The following CLYBL variants were observed in gnomAD, a reference collection of about 807,000 sequenced individuals.
CLYBL encodes citramalyl-CoA lyase.
In CLYBL, 31 loss-of-function variants were observed where a neutral mutation model predicts 38.9. That is an observed-to-expected ratio of 0.80 (90% CI 0.60 to 1.08). The LOEUF is 1.08. Ranked by LOEUF, CLYBL falls within the 50% of genes least tolerant of loss-of-function variation. The probability of loss-of-function intolerance (pLI) is 0.00; values close to 1 mark genes in which losing one functional copy is unlikely to be tolerated. For missense variants in CLYBL, 434 were observed against 411.6 expected (o/e 1.05, Z -0.47); for synonymous variants, 171 against 158.6 (o/e 1.08, Z -0.59).
At chr13:99,874,792 G>A (rs1019597500) in intron 7 of CLYBL, among the ~76,000 whole-genome samples, 32 of 152,108 alleles carry the variant, frequency 2.1e-4, no homozygotes, top group African/African-American at 6.5e-4. Flanking sequence ...GACAGCTAAA[G>A]GAAACAGTCA....
intron 1 of CLYBL, among the ~76,000 whole-genome samples, chr13:99,679,735 T>TA (rs1555351636): frequency 8.1e-5 from 12 of 147,398 alleles, no homozygotes; most frequent in African/African-American, 2.8e-4. Flanking sequence ...AAGGAGAGGG[T>TA]GGGGGGGGAA....
chr13:99,696,808 C>CA (rs200890191), intron 1 of CLYBL, among the ~76,000 whole-genome samples: 24 of 148,722 alleles, frequency 1.6e-4, no homozygotes, highest in Admixed American at 4.0e-4. Flanking sequence ...AAAACAACCA[C>CA]AAAAAAAACC....
At chr13:99,645,278 C>T (rs1246130411) in intron 1 of CLYBL, among the ~76,000 whole-genome samples, 4 of 152,086 alleles carry the variant, frequency 2.6e-5, no homozygotes, top group South Asian at 4.1e-4. Flanking sequence ...GGGTGGATCA[C>T]GAGGTCAGGA....
chr13:99,844,984 A>G (rs1344497783), intron 2 of CLYBL, among the ~76,000 whole-genome samples: 2 of 152,134 alleles, frequency 1.3e-5, no homozygotes, highest in East Asian at 1.9e-4. Flanking sequence ...CCTACCTACC[A>G]TCAGAGGAAA....
At chr13:99,836,267 A>G (rs539727725) in intron 2 of CLYBL, among the ~76,000 whole-genome samples, 130 of 152,182 alleles carry the variant, frequency 8.5e-4, no homozygotes, top group African/African-American at 2.8e-3. Context: ...GATCTAGAAG[A>G]TGTCTCCCTC....
At chr13:99,719,132 A>C (rs2048359011) in intron 1 of CLYBL, among the ~76,000 whole-genome samples, 3 of 147,814 alleles carry the variant, frequency 2.0e-5, no homozygotes, top group Non-Finnish European at 4.5e-5. Context: ...GATTACAGGC[A>C]TGAACCACCA....
chr13:99,609,038 ATC>A (rs1369806945), intron 1 of CLYBL, among the ~76,000 whole-genome samples: 1 of 150,454 alleles, frequency 6.6e-6, no homozygotes, highest in African/African-American at 2.4e-5. Flanking sequence ...CTACTCTCTT[ATC>A]TCTCTCTTCT....
intron 1 of CLYBL, among the ~76,000 whole-genome samples, chr13:99,618,728 G>C (rs1209412296): frequency 6.6e-6 from 1 of 151,922 alleles, no homozygotes; most frequent in African/African-American, 2.4e-5. Flanking sequence ...CCCCCACCCA[G>C]CCCCTGGTAA....
At chr13:99,876,985 GCTGC>G (rs2052058943) in intron 7 of CLYBL, among the ~76,000 whole-genome samples, 2 of 152,098 alleles carry the variant, frequency 1.3e-5, no homozygotes, top group Admixed American at 1.3e-4. Context: ...CCTGCTCAGT[GCTGC>G]CCTGCCCTCA....
intron 3 of CLYBL, 105 bp downstream of exon 3, chr13:99,859,154 G>A: frequency 2.5e-6 from 2 of 788,192 alleles, no homozygotes; most frequent in Non-Finnish European, 3.9e-6. Context: ...GCAGAGAGCA[G>A]AGAGGAAGGG....
At chr13:99,610,123 G>A (rs183362794) in intron 1 of CLYBL, among the ~76,000 whole-genome samples, 1 of 152,288 alleles carries the variant, frequency 6.6e-6, no homozygotes, top group African/African-American at 2.4e-5. Context: ...GGGTGGTCTT[G>A]AACTGCTGGG....
downstream of CLYBL, chr13:99,894,453 G>A (rs2052546555): frequency 1.3e-5 from 2 of 152,142 alleles, no homozygotes; most frequent in South Asian, 4.2e-4. Context: ...TTAATTCTTG[G>A]GGTCTAAATT....
chr13:99,642,756 T>C (rs2047115062), intron 1 of CLYBL, among the ~76,000 whole-genome samples: 1 of 149,264 alleles, frequency 6.7e-6, no homozygotes, highest in East Asian at 2.0e-4. Context: ...CTCCCTCCCT[T>C]CCTCCGTTGC....
intron 2 of CLYBL, among the ~76,000 whole-genome samples, chr13:99,826,042 G>A (rs2050689069): frequency 6.6e-6 from 1 of 152,110 alleles, no homozygotes; most frequent in African/African-American, 2.4e-5. Context: ...GACTCTTCAG[G>A]GCCTGAAGGC....
chr13:99,874,016 G>A (rs756102080), intron 7 of CLYBL, among the ~76,000 whole-genome samples: 4 of 152,178 alleles, frequency 2.6e-5, no homozygotes, highest in Non-Finnish European at 5.9e-5. Context: ...AGCGATTCTT[G>A]TGGCTGCTTT....
chr13:99,754,293 T>C (rs2049012830), intron 1 of CLYBL, among the ~76,000 whole-genome samples: 1 of 150,906 alleles, frequency 6.6e-6, no homozygotes, highest in Non-Finnish European at 1.5e-5. Flanking sequence ...GCCAGTAGTA[T>C]CAGGTAATCA....
At chr13:99,808,408 G>A (rs557006095) in intron 2 of CLYBL, among the ~76,000 whole-genome samples, 37 of 152,194 alleles carry the variant, frequency 2.4e-4, no homozygotes, top group Non-Finnish European at 4.0e-4. Flanking sequence ...GTAGAGGAAC[G>A]GTCACCTGAG....
At chr13:99,686,885 A>G (rs982603919) in intron 1 of CLYBL, among the ~76,000 whole-genome samples, 1 of 152,218 alleles carries the variant, frequency 6.6e-6, no homozygotes, top group Non-Finnish European at 1.5e-5. Context: ...GCAGGGGAGG[A>G]TATCAAGGCA....
intron 1 of CLYBL, among the ~76,000 whole-genome samples, chr13:99,725,970 T>G (rs189675577): frequency 2.6e-5 from 4 of 152,342 alleles, no homozygotes; most frequent in Admixed American, 1.3e-4. Context: ...AAATCCCTTT[T>G]TCTCCAGTTG....
Sources: allele counts gnomAD v4.1 joint callset (sites outside exome capture counted in the v4.1 genomes callset), GRCh38; gene constraint gnomAD v4.1.1; transcripts MANE v1.5; gene names NCBI Gene and HGNC (gene_info 2026-07-23, HGNC 2026-07-21).